Variants in TM6SF1 observed in about 807,000 individuals in gnomAD.
The protein encoded by TM6SF1 is transmembrane 6 superfamily member 1.
A neutral mutation model predicts 47.1 loss-of-function variants in TM6SF1; 43 were observed. That is an observed-to-expected ratio of 0.91 (90% CI 0.72 to 1.18). The LOEUF is 1.18. Ranked by LOEUF, TM6SF1 falls within the 50% of genes most tolerant of loss-of-function variation. The pLI is 0.00. For missense variants in TM6SF1, 390 were observed against 449.0 expected (o/e 0.87, Z 1.19); for synonymous variants, 177 against 166.3 (o/e 1.06, Z -0.49).
intron 9 of TM6SF1, chr15:83,135,655 C>A (rs781213466): frequency 6.6e-6 from 1 of 152,074 alleles, no homozygotes; most frequent in Non-Finnish European, 1.5e-5. Flanking sequence ...CAAAAAAGAC[C>A]AATTGGCACA....
intron 2 of TM6SF1, 122 bp from the exon 3 acceptor site, chr15:83,115,723 T>C: frequency 1.3e-6 from 1 of 759,576 alleles, no homozygotes; most frequent in East Asian, 2.7e-5. Context: ...TCTATCTCGA[T>C]AATTGTCCAC....
At chr15:83,117,357 G>C (rs144882083) in intron 3 of TM6SF1, among the ~76,000 whole-genome samples, 2 of 152,302 alleles carry the variant, frequency 1.3e-5, no homozygotes, top group East Asian at 3.9e-4. Flanking sequence ...TCCTGGAAGA[G>C]AGAGTCACGG....
In TM6SF1 at chr15:83,112,893, G is replaced by A. The variant is rs753388918; in HGVS notation, c.189G>A (p.Leu63=). 44 of 1,612,826 alleles carry A rather than the reference G, an allele frequency of 2.7e-5. No individual in the cohort carries two copies. The highest frequency in any genetic ancestry group is 3.7e-5 in the Non-Finnish European group (44 of 1,178,780). Reference sequence around the variant, plus strand: ...AAAGAAAACCACCCCGGGACCCACTGTTCTATGGTACGTCTCCACAAAGGG... The same window carrying A: ...AAAGAAAACCACCCCGGGACCCACTATTCTATGGTACGTCTCCACAAAGGG... ...LVKRKPPRDP[L]FYVYAVFGFT... is the part of the protein sequence containing the mutation. Residue 63 remains leucine (L), a synonymous_variant, in exon 2 of 10, where the codon CTG becomes CTA. Transcript: ENST00000322019.
At chr15:83,119,820 C>T (rs926632702) in intron 4 of TM6SF1, 139 bp downstream of exon 4, 29 of 1,395,174 alleles carry the variant, frequency 2.1e-5, no homozygotes, top group South Asian at 1.5e-4. Context: ...GCACGTCAGA[C>T]GTGGCTTTAT....
chr15:83,133,333 C>T (rs2036384572), intron 9 of TM6SF1: 1 of 152,224 alleles, frequency 6.6e-6, no homozygotes, highest in Non-Finnish European at 1.5e-5. Context: ...GGACATATAA[C>T]ACTCTTTCAG....
chr15:83,135,783 C>T (rs1162358604), intron 9 of TM6SF1: 1 of 152,160 alleles, frequency 6.6e-6, no homozygotes, highest in Non-Finnish European at 1.5e-5. Flanking sequence ...AAAAGGTTGC[C>T]TGCATGTACA....
Position 83,136,628 on chromosome 15 carries a change from C to A in TM6SF1, c.1069C>A (p.Pro357Thr). The A allele has an allele frequency of 6.2e-7, 1 of 1,607,260 alleles. No homozygotes were observed. The highest frequency in any genetic ancestry group is 8.5e-7 in the Non-Finnish European group (1 of 1,178,252). The change falls in exon 10 of 10, where the codon CCA (proline) becomes ACA (threonine). Residue 357 changes from proline (P) to threonine (T), a missense_variant. Pro to Thr is a conservative substitution (Grantham distance 38). Coordinates refer to ENST00000322019, the MANE Select transcript of TM6SF1 (RefSeq NM_023003.5). Reference sequence around the variant, plus strand: ...CTTGGCCTATCGTTGTATCTACAAACCAGAGTTCTTCATAAAAACAAAGGC... The same window carrying A: ...CTTGGCCTATCGTTGTATCTACAAAACAGAGTTCTTCATAAAAACAAAGGC... ...QLLAYRCIYK[P>T]EFFIKTKAEE... is the part of the protein sequence containing the mutation.
chr15:83,113,968 T>G (rs766281150), intron 2 of TM6SF1: 1 of 152,212 alleles, frequency 6.6e-6, no homozygotes, highest in Non-Finnish European at 1.5e-5. Flanking sequence ...GTAACTAGTT[T>G]CTCCCAATCC....
intron 7 of TM6SF1, 108 bp downstream of exon 7, chr15:83,124,884 A>G (rs1291441250): frequency 2.1e-6 from 2 of 963,224 alleles, no homozygotes; most frequent in Admixed American, 4.2e-5. Context: ...TTCTTAGCAA[A>G]CTAACAAACC....
At chr15:83,124,552 A>G in intron 6 of TM6SF1, 120 bp from the exon 7 acceptor site, 1 of 718,250 alleles carries the variant, frequency 1.4e-6, no homozygotes, top group Admixed American at 2.5e-5. Context: ...CCAGTGATTT[A>G]TGATATAAAT....
chr15:83,111,979 G>A (rs902739894), intron 1 of TM6SF1, among the ~76,000 whole-genome samples: 1 of 152,160 alleles, frequency 6.6e-6, no homozygotes, highest in Admixed American at 6.5e-5. Flanking sequence ...GACTTTCCTA[G>A]GGTGACACAG....
At chr15:83,126,127 A>G (rs1278826258) in intron 7 of TM6SF1, among the ~76,000 whole-genome samples, 5 of 152,010 alleles carry the variant, frequency 3.3e-5, no homozygotes, top group African/African-American at 1.2e-4. Context: ...GATTGGGGCC[A>G]TTTTTACCAA....
chr15:83,130,270 G>A (rs1020263644), intron 9 of TM6SF1: 1 of 152,314 alleles, frequency 6.6e-6, no homozygotes, highest in Admixed American at 6.5e-5. Context: ...GGTGTGGTAA[G>A]CCTGTAGCAA....
Position 83,136,559 on chromosome 15 carries a change from CTTT to C in TM6SF1, c.1005_1007del (p.Phe335del), listed in dbSNP as rs757550296. 28 of 1,613,586 alleles carry C rather than the reference CTTT, an allele frequency of 1.7e-5. 1 individual carries two copies. The Admixed American group carries it at 4.7e-4, about 27-fold the overall frequency. On this transcript the variant is annotated inframe_deletion, in exon 10 of 10. Transcript: ENST00000322019. ...CAGAGTCCCTGAAGAAGCAAAAATC[CTTT>C]TTTTAGCATTAAACATAGCATATGG... is the stretch of plus-strand genomic sequence containing the variant.
rs2035789010 is a variant in TM6SF1 at position 83,126,779 on chromosome 15, C to T, written c.733C>T (p.Leu245Phe). Residue 245 changes from leucine to phenylalanine, a missense_variant, in exon 8 of 10, where the codon CTC becomes TTC. By Grantham distance (22) the Leu-to-Phe change is conservative. Transcript: ENST00000322019. ...GATTGCTTTGGATTGCCCATCTGAGCTCTGCCGATTATATACGCAATTTCA... is the reference window on the plus strand; with the variant it reads ...GATTGCTTTGGATTGCCCATCTGAGTTCTGCCGATTATATACGCAATTTCA... Reference protein sequence around the residue: ...GLIALDCPSELCRLYTQFQEP... With the variant: ...GLIALDCPSEFCRLYTQFQEP... 1.2e-6 allele frequency: 2 copies of T among 1,613,468 alleles called. No homozygotes were observed. The highest frequency in any genetic ancestry group is 1.1e-5 in the South Asian group (1 of 90,964).
chr15:83,109,176 G>A (rs1412044058), intron 1 of TM6SF1, among the ~76,000 whole-genome samples: 1 of 152,230 alleles, frequency 6.6e-6, no homozygotes, highest in Non-Finnish European at 1.5e-5. Context: ...TGACTGGGGA[G>A]GGGGCTGGTG....
At chr15:83,127,293 TAC>T in intron 8 of TM6SF1, 63 bp from the exon 9 acceptor site, 1 of 1,470,794 alleles carries the variant, frequency 6.8e-7, no homozygotes, top group Non-Finnish European at 9.0e-7. Flanking sequence ...TACTTTTTTG[TAC>T]TTTTTAGTCA....
At chr15:83,120,365 C>T (rs1003687699) in intron 4 of TM6SF1, among the ~76,000 whole-genome samples, 1 of 152,212 alleles carries the variant, frequency 6.6e-6, no homozygotes, top group African/African-American at 2.4e-5. Flanking sequence ...CATGGTGGCA[C>T]ACCCACAGCT....
intron 3 of TM6SF1, among the ~76,000 whole-genome samples, chr15:83,118,398 A>G (rs1331523421): frequency 2.0e-5 from 3 of 152,208 alleles, no homozygotes; most frequent in Non-Finnish European, 4.4e-5. Flanking sequence ...TCATCAAGCT[A>G]CCAGGAGAGG....
Sources: gnomAD v4.1 joint callset for allele counts (sites outside exome capture counted in the v4.1 genomes callset) on GRCh38, gnomAD v4.1.1 for gene constraint, MANE v1.5 for transcripts, NCBI Gene and HGNC (gene_info 2026-07-23, HGNC 2026-07-21) for gene names.